The following DOCK4 variants were observed in gnomAD, a reference collection of about 807,000 sequenced individuals.
The protein encoded by DOCK4 is dedicator of cytokinesis 4.
A neutral mutation model predicts 268.1 loss-of-function variants in DOCK4; 97 were observed. That is an observed-to-expected ratio of 0.36 (90% confidence interval 0.31 to 0.43). DOCK4 has a LOEUF of 0.43. DOCK4 is among the 20% of genes least tolerant of loss of function. DOCK4 has a pLI of 1.00. For missense variants in DOCK4, 2,145 were observed against 2,455.7 expected (o/e 0.87, Z 2.67); for synonymous variants, 954 against 887.2 (o/e 1.08, Z -1.34).
At chr7:112,003,755 T>C (rs1430111484) in intron 2 of DOCK4, among the ~76,000 whole-genome samples, 3 of 152,202 alleles carry the variant, frequency 2.0e-5, no homozygotes, top group Non-Finnish European at 4.4e-5. Flanking sequence ...CTGAGGATTC[T>C]GAGAAAAACC....
intron 49 of DOCK4, among the ~76,000 whole-genome samples, chr7:111,737,249 T>TA (rs1795567741): frequency 6.6e-6 from 1 of 152,180 alleles, no homozygotes; most frequent in Admixed American, 6.5e-5. Flanking sequence ...TAATAAAATG[T>TA]AAAAAATAAA....
At position 111,949,364 on chromosome 7, in the gene DOCK4, G is replaced by T. The variant is rs1795874733; in HGVS notation, c.702-3566C>A. ...ATCTGTACATTTCATCAAAATTCTG[G>T]AAAACAATGTTTCCTAAAGTATTCT... is the stretch of plus-strand genomic sequence containing the variant. On this transcript the variant is annotated intron_variant, in intron 8 of 52. Coordinates refer to ENST00000428084, the MANE Select transcript of DOCK4 (RefSeq NM_001363540.2). Among the ~76,000 whole-genome samples, 3 of 152,054 alleles carry T rather than the reference G, an allele frequency of 2.0e-5. No individual in the cohort carries two copies. The South Asian group carries it at 6.2e-4, about 32-fold the overall frequency.
intron 11 of DOCK4, among the ~76,000 whole-genome samples, chr7:111,937,416 T>C (rs77347564): frequency 0.023 from 3,481 of 152,290 alleles, 51 homozygotes; most frequent in African/African-American, 0.033. Context: ...CAAAACCTTA[T>C]TTGATGCTTA....
chr7:111,936,519 T>A (rs760117433), intron 11 of DOCK4, among the ~76,000 whole-genome samples: 1 of 151,788 alleles, frequency 6.6e-6, no homozygotes, highest in African/African-American at 2.4e-5. Flanking sequence ...GATGGATGGA[T>A]GGATGGATGG....
chr7:111,975,006 C>T (rs1257234980), intron 8 of DOCK4, among the ~76,000 whole-genome samples: 1 of 152,200 alleles, frequency 6.6e-6, no homozygotes, highest in Non-Finnish European at 1.5e-5. Flanking sequence ...TGGCTCATGC[C>T]TATAATCCCC....
chr7:112,119,917 G>A (rs566931718), intron 1 of DOCK4, among the ~76,000 whole-genome samples: 186 of 150,782 alleles, frequency 1.2e-3, no homozygotes, highest in Middle Eastern at 6.8e-3. Flanking sequence ...GCGCGATCTC[G>A]GCTCACTGCA....
chr7:111,972,273 T>C (rs1797774536), intron 8 of DOCK4, among the ~76,000 whole-genome samples: 2 of 152,050 alleles, frequency 1.3e-5, no homozygotes, highest in African/African-American at 4.8e-5. Context: ...CTGCTGGTGG[T>C]GTGGTTCAGA....
chr7:111,740,131 G>A (rs932604493), intron 47 of DOCK4: 7 of 439,142 alleles, frequency 1.6e-5, no homozygotes, highest in Middle Eastern at 3.3e-4. Context: ...ACACAGTCTC[G>A]CTTTGTTGCC....
At chr7:112,195,840 G>C (rs1278297974) in intron 1 of DOCK4, among the ~76,000 whole-genome samples, 1 of 152,166 alleles carries the variant, frequency 6.6e-6, no homozygotes, top group African/African-American at 2.4e-5. Context: ...CAACTTGGGA[G>C]ATAAGTTGTT....
chr7:111,822,486 T>C (rs1221509122), intron 26 of DOCK4, 30 bp from the exon 27 acceptor site: 7 of 1,562,112 alleles, frequency 4.5e-6, no homozygotes, highest in Non-Finnish European at 6.1e-6. Flanking sequence ...GATCATTTTA[T>C]TGGTTTATTG....
At chr7:112,187,923 A>T (rs1030125160) in intron 1 of DOCK4, among the ~76,000 whole-genome samples, 1 of 152,192 alleles carries the variant, frequency 6.6e-6, no homozygotes, top group African/African-American at 2.4e-5. Flanking sequence ...TCCAAATATG[A>T]CCCCTTTAAC....
intron 37 of DOCK4, among the ~76,000 whole-genome samples, chr7:111,767,386 C>A (rs1462685657): frequency 6.6e-6 from 1 of 152,030 alleles, no homozygotes; most frequent in Non-Finnish European, 1.5e-5. Flanking sequence ...ACCACCACAC[C>A]CAGCTAATTC....
At chr7:111,909,899 C>T (rs1472011352) in intron 13 of DOCK4, among the ~76,000 whole-genome samples, 1 of 151,050 alleles carries the variant, frequency 6.6e-6, no homozygotes, top group Non-Finnish European at 1.5e-5. Flanking sequence ...AAGGCTGAGA[C>T]TGTAGTGAGC....
intron 12 of DOCK4, among the ~76,000 whole-genome samples, chr7:111,916,408 A>G (rs1263478833): frequency 6.6e-6 from 1 of 152,204 alleles, no homozygotes; most frequent in Non-Finnish European, 1.5e-5. Flanking sequence ...TTTTCTTGAA[A>G]CATAAGTAAC....
chr7:111,884,814 G>T (rs568241749), intron 16 of DOCK4, among the ~76,000 whole-genome samples: 1 of 152,164 alleles, frequency 6.6e-6, no homozygotes, highest in Non-Finnish European at 1.5e-5. Context: ...TTCATTCAAC[G>T]ACAAGGGATA....
intron 1 of DOCK4, among the ~76,000 whole-genome samples, chr7:112,066,765 G>T (rs1807102421): frequency 8.2e-6 from 1 of 121,370 alleles, no homozygotes; most frequent in East Asian, 2.4e-4. Context: ...CTGTGTCTCT[G>T]GAGAACCCAA....
chr7:112,057,102 A>G (rs1375891347), intron 1 of DOCK4, among the ~76,000 whole-genome samples: 3 of 152,182 alleles, frequency 2.0e-5, no homozygotes, highest in Admixed American at 1.3e-4. Flanking sequence ...ACAAAGAATT[A>G]AGCTAAGGTT....
intron 1 of DOCK4, among the ~76,000 whole-genome samples, chr7:112,162,903 A>G (rs1377100279): frequency 2.0e-5 from 3 of 152,196 alleles, no homozygotes; most frequent in African/African-American, 7.2e-5. Flanking sequence ...AGGACACTTG[A>G]CTTTCCAGTA....
At chr7:112,035,932 T>A (rs542618614) in intron 1 of DOCK4, among the ~76,000 whole-genome samples, 229 of 152,008 alleles carry the variant, frequency 1.5e-3, no homozygotes, top group African/African-American at 5.2e-3. Context: ...AAAGAAAAAA[T>A]TGTTCTTTGA....
Sources: allele counts gnomAD v4.1 joint callset (sites outside exome capture counted in the v4.1 genomes callset), GRCh38; gene constraint gnomAD v4.1.1; transcripts MANE v1.5; gene names NCBI Gene and HGNC (gene_info 2026-07-23, HGNC 2026-07-21).